The following AFDN variants were observed in gnomAD, a reference collection of about 807,000 sequenced individuals.
The protein encoded by AFDN is afadin.
A neutral mutation model predicts 216.6 loss-of-function variants in AFDN; 68 were observed. The ratio of observed to expected loss-of-function variants is 0.31; its 90% CI spans 0.26 to 0.38. AFDN has a LOEUF of 0.38. AFDN is among the 10% of genes least tolerant of loss of function. The pLI is 1.00. For synonymous variants in AFDN, 868 were observed against 853.7 expected, an observed-to-expected ratio of 1.02 and a Z score of -0.29; for missense variants, 2,136 against 2,342.0, an observed-to-expected ratio of 0.91 and a Z score of 1.82.
At position 167,941,756 on chromosome 6, in the gene AFDN, C is replaced by A. The variant is rs572678377; in HGVS notation, c.3100-1373C>A. Among the ~76,000 whole-genome samples the A allele has an allele frequency of 1.5e-3, 151 of 102,458 alleles. 6 individuals carry two copies. Among genetic ancestry groups the A allele is most frequent in the African/African-American group, 5.1e-3 (147 of 28,848 alleles). 67.2% of individuals were successfully genotyped at this position (102,458 alleles called of 152,430 possible). A position where few individuals can be genotyped will look rare whatever the true frequency, so the allele number is the denominator to read the frequency against. On this transcript the variant is annotated intron_variant, in intron 23 of 33. Transcript: ENST00000683244. ...TCCACAGGAGAGATGTGTGGATAGA[C>A]ACAGAGGGATGTAGGGGTGAGGGTG... is the stretch of plus-strand genomic sequence containing the variant.
chr6:167,954,570 G>A, intron 30 of AFDN: 3 of 1,324,928 alleles, frequency 2.3e-6, no homozygotes, highest in Non-Finnish European at 2.1e-6. Context: ...GCTGTTTGAT[G>A]TTTTCAGTAG....
intron 18 of AFDN, 124 bp from the exon 19 acceptor site, chr6:167,915,044 T>C (rs1790871214): frequency 1.0e-6 from 1 of 988,450 alleles, no homozygotes; most frequent in Non-Finnish European, 1.5e-6. Flanking sequence ...ATGAAGTTGA[T>C]ATTTTTAAAG....
In AFDN at chr6:167,947,865, G is replaced by C. The variant is rs773338292; in HGVS notation, c.3566G>C (p.Ser1189Thr). 1.6e-5 allele frequency: 26 copies of C among 1,612,506 alleles called. No homozygotes were observed. Among genetic ancestry groups the C allele is most frequent in the Non-Finnish European group, 2.2e-5 (26 of 1,178,978 alleles). The change falls in exon 28 of 34, where the codon AGT becomes ACT. Residue 1189 changes from serine (S) to threonine (T), a missense_variant. Ser to Thr is a moderately conservative substitution (Grantham distance 58). This residue lies in a region of AFDN where 981 missense variants were observed against 966.0 expected (regional missense o/e 1.02). Transcript: ENST00000683244. ...CTGACTTGAGCAGATCAGCCTCCTA[G>C]TCCTGGAGGGAAAAGTGCATATGCC... ...SSPNVANQPP[S>T]PGGKSAYASG...
At position 167,969,934 on chromosome 6, in the gene AFDN, G is replaced by C; in HGVS notation, c.5495G>C (p.Ter1832SerextTer20). 1 of 1,603,996 alleles carries C rather than the reference G, an allele frequency of 6.2e-7. No homozygotes were observed. ...CTGGAGAATGAACTGAACACAAAGTGAAAGAAAATGAGGAGAACACTTTGT... is the reference window on the plus strand; with the variant it reads ...CTGGAGAATGAACTGAACACAAAGTCAAAGAAAATGAGGAGAACACTTTGT... Reference protein sequence around the residue: ...TELENELNTK* With the variant: ...TELENELNTKS The change falls in exon 34 of 34, where the codon TGA becomes TCA. Residue 1832 changes from the stop codon to serine, a stop_lost. Coordinates refer to ENST00000683244, the MANE Select transcript of AFDN (RefSeq NM_001386888.1).
chr6:167,847,509 G>T (rs1330568731), intron 1 of AFDN, among the ~76,000 whole-genome samples: 1 of 152,078 alleles, frequency 6.6e-6, no homozygotes, highest in Non-Finnish European at 1.5e-5. Flanking sequence ...CCTCTCCTAA[G>T]TCTTAGTGAA....
intron 1 of AFDN, among the ~76,000 whole-genome samples, chr6:167,848,511 A>G (rs1781947780): frequency 6.6e-6 from 1 of 152,184 alleles, no homozygotes; most frequent in African/African-American, 2.4e-5. Flanking sequence ...TAAATTGTAT[A>G]TACTTTTCCA....
intron 31 of AFDN, chr6:167,964,156 C>T (rs1797304688): frequency 1.5e-5 from 16 of 1,063,464 alleles, no homozygotes; most frequent in Non-Finnish European, 1.8e-5. Flanking sequence ...GTGTTAGTAA[C>T]TGCTTCTATA....
intron 28 of AFDN, 54 bp from the exon 29 acceptor site, chr6:167,948,239 G>A (rs1795557907): frequency 6.9e-7 from 1 of 1,441,382 alleles, no homozygotes; most frequent in Middle Eastern, 1.8e-4. Context: ...TGAAAATCAA[G>A]TTAGTCTGTA....
At chr6:167,880,248 C>A in intron 5 of AFDN, 112 bp from the exon 6 acceptor site, 1 of 950,206 alleles carries the variant, frequency 1.1e-6, no homozygotes, top group Non-Finnish European at 1.6e-6. Context: ...TGTCTTTACA[C>A]TCATTTTAGC....
At chr6:167,966,332 C>T in intron 32 of AFDN, 1 of 1,341,682 alleles carries the variant, frequency 7.5e-7, no homozygotes, top group Non-Finnish European at 9.8e-7. Context: ...CTCAGCATCT[C>T]TCTGCACACT....
intron 23 of AFDN, among the ~76,000 whole-genome samples, chr6:167,929,134 T>G (rs563440490): frequency 2.0e-5 from 3 of 152,230 alleles, no homozygotes; most frequent in East Asian, 3.9e-4. Flanking sequence ...AAACTTAGTA[T>G]GAAAGTGGTG....
At chr6:167,889,399 A>G (rs1787282471) in intron 7 of AFDN, 73 bp downstream of exon 7, 4 of 983,968 alleles carry the variant, frequency 4.1e-6, no homozygotes, top group Middle Eastern at 2.2e-4. Flanking sequence ...TTATCACATG[A>G]TGTAGGAGAT....
At chr6:167,840,401 G>A (rs959251787) in intron 1 of AFDN, among the ~76,000 whole-genome samples, 1 of 151,656 alleles carries the variant, frequency 6.6e-6, no homozygotes, top group Admixed American at 6.5e-5. Context: ...ACTTTCTTTG[G>A]CCAGTGACAG....
Position 167,915,273 on chromosome 6 carries a change from AT to A in AFDN, c.2406del (p.Asn802LysfsTer9). On this transcript the variant is annotated frameshift_variant, in exon 19 of 34. Coordinates refer to ENST00000683244, the MANE Select transcript of AFDN (RefSeq NM_001386888.1). LOFTEE classifies it high-confidence loss of function. Reference protein sequence around the residue: ...QLFSQLFHFINMWLFNRLVTD... With the variant: ...QLFSQLFHFIXMWLFNRLVTD... ...TTCTCTCAGCTCTTCCACTTCATCA[AT>A]ATGTGGCTGTTCAATAGATTGGTGA... 6.2e-7 allele frequency: 1 copy of A among 1,614,208 alleles called. No individual in the cohort carries two copies. Among genetic ancestry groups the A allele is most frequent in the Non-Finnish European group, 8.5e-7 (1 of 1,180,040 alleles).
chr6:167,954,548 C>CTT lies in AFDN; in HGVS notation c.4833+2363_4833+2364dup, dbSNP rs923474178. The CTT allele has an allele frequency of 1.1e-5, 17 of 1,513,412 alleles. No homozygotes were observed. In the African/African-American group the frequency reaches 1.8e-4, roughly 16 times the overall value. The allele number at this position is 1,513,412 out of a possible 1,614,324, so 93.7% of individuals were successfully genotyped here. On this transcript the variant is annotated intron_variant, in intron 30 of 33. Coordinates refer to ENST00000683244, the MANE Select transcript of AFDN (RefSeq NM_001386888.1). ...TTTTTTCCTGTCTTGATTTTCTTTT[C>CTT]TTTCAGTGGTGGCTGTTTGATGTTT...
At chr6:167,943,496 T>A in intron 25 of AFDN, 21 bp downstream of exon 25, 10 of 1,585,384 alleles carry the variant, frequency 6.3e-6, no homozygotes, top group Non-Finnish European at 8.7e-6. Context: ...TTTATTTGCT[T>A]GAAGCATAGT....
intron 3 of AFDN, among the ~76,000 whole-genome samples, chr6:167,871,223 G>C (rs957272203): frequency 1.3e-5 from 2 of 149,896 alleles, no homozygotes; most frequent in African/African-American, 4.9e-5. Flanking sequence ...TCATGGAGAT[G>C]TACAAAATGT....
At chr6:167,945,698 A>T (rs1231346977) in intron 26 of AFDN, among the ~76,000 whole-genome samples, 6 of 152,212 alleles carry the variant, frequency 3.9e-5, no homozygotes, top group African/African-American at 9.6e-5. Context: ...TCATTGACCA[A>T]AATGGGCTTA....
chr6:167,951,494 C>A lies in AFDN; in HGVS notation c.4140C>A (p.Val1380=), dbSNP rs746940317. The change falls in exon 30 of 34, where the codon GTC becomes GTA. Residue 1380 remains valine (V), a synonymous_variant. Transcript: ENST00000683244. The surrounding 1 kb of genome is among the most constrained non-coding windows in gnomAD (Gnocchi z 7.1). Reference sequence around the variant, plus strand: ...CTCCGCCACCCCCGCCACCTCCAGTCCACTATGCCGGTGATTTCGATGGAA... The same window carrying A: ...CTCCGCCACCCCCGCCACCTCCAGTACACTATGCCGGTGATTTCGATGGAA... The part of the protein sequence containing the change: ...DLPPPPPPPP[V]HYAGDFDGMS... 3.1e-6 allele frequency: 5 copies of A among 1,614,014 alleles called. 1 individual carries two copies. In the South Asian group the frequency reaches 4.4e-5, roughly 14 times the overall value.
Sources: gnomAD v4.1 joint callset for allele counts (sites outside exome capture counted in the v4.1 genomes callset) on GRCh38, gnomAD v4.1.1 for gene constraint, gnomAD v4.1.1 regional missense constraint, Gnocchi (gnomAD v3.1) non-coding constraint, MANE v1.5 for transcripts, NCBI Gene and HGNC (gene_info 2026-07-23, HGNC 2026-07-21) for gene names.